Variants in ANKS1B observed in about 807,000 individuals in gnomAD.
The protein encoded by ANKS1B is ankyrin repeat and sterile alpha motif domain-containing protein 1B.
Under a neutral mutation model 148.3 loss-of-function variants are expected in ANKS1B, and 36 were observed. The ratio of observed to expected loss-of-function variants is 0.24; its 90% CI spans 0.19 to 0.32. The LOEUF is 0.32. ANKS1B is among the 10% of genes least tolerant of loss of function. The pLI, the probability that ANKS1B is intolerant of heterozygous loss-of-function variation, is 1.00. For missense variants in ANKS1B, 1,157 were observed against 1,542.6 expected (o/e 0.75, Z 4.19); for synonymous variants, 542 against 560.8 (o/e 0.97, Z 0.47).
At chr12:99,669,839 C>G (rs2098528076) in intron 8 of ANKS1B, among the ~76,000 whole-genome samples, 2 of 152,142 alleles carry the variant, frequency 1.3e-5, no homozygotes, top group East Asian at 3.9e-4. Context: ...ACTTTCAACT[C>G]AGAGGATTAC....
chr12:99,041,519 C>G (rs141213683), intron 17 of ANKS1B, among the ~76,000 whole-genome samples: 1 of 152,202 alleles, frequency 6.6e-6, no homozygotes, highest in African/African-American at 2.4e-5. Context: ...TTCCTGTCCC[C>G]CAGTTTTCCA....
intron 1 of ANKS1B, among the ~76,000 whole-genome samples, chr12:99,937,441 CAG>C (rs2094807259): frequency 6.6e-6 from 1 of 152,140 alleles, no homozygotes; most frequent in Non-Finnish European, 1.5e-5. Flanking sequence ...AAACAAGTCT[CAG>C]AGTTAGAAAT....
intron 17 of ANKS1B, among the ~76,000 whole-genome samples, chr12:98,851,027 T>C (rs566486390): frequency 1.3e-5 from 2 of 152,344 alleles, no homozygotes; most frequent in African/African-American, 2.4e-5. Flanking sequence ...ACAGAACTGC[T>C]ACAGTACTAC....
At chr12:99,523,483 G>A (rs2096895305) in intron 9 of ANKS1B, among the ~76,000 whole-genome samples, 1 of 151,626 alleles carries the variant, frequency 6.6e-6, no homozygotes. Context: ...AAAACTGGCT[G>A]CTTACTAAGT....
At chr12:98,982,848 A>G (rs1223197419) in intron 17 of ANKS1B, among the ~76,000 whole-genome samples, 2 of 152,244 alleles carry the variant, frequency 1.3e-5, no homozygotes. Flanking sequence ...AAATTCTTGC[A>G]TAAGTTCCTG....
intron 12 of ANKS1B, among the ~76,000 whole-genome samples, chr12:99,395,718 T>C (rs925116844): frequency 2.0e-5 from 3 of 152,202 alleles, no homozygotes; most frequent in African/African-American, 7.2e-5. Context: ...TTTTTGATGA[T>C]TCACAAGTTG....
chr12:99,187,708 A>G (rs2153874427), intron 14 of ANKS1B, among the ~76,000 whole-genome samples: 1 of 152,328 alleles, frequency 6.6e-6, no homozygotes, highest in African/African-American at 2.4e-5. Flanking sequence ...AAACATGGAA[A>G]GGAACAACCG....
chr12:99,083,130 G>GT (rs1352369182), intron 16 of ANKS1B, among the ~76,000 whole-genome samples: 8 of 152,178 alleles, frequency 5.3e-5, no homozygotes, highest in African/African-American at 1.9e-4. Flanking sequence ...TGCAAAAGGA[G>GT]TAAGTGTCTA....
At chr12:99,485,374 G>A (rs1489133008) in intron 10 of ANKS1B, among the ~76,000 whole-genome samples, 2 of 152,046 alleles carry the variant, frequency 1.3e-5, no homozygotes, top group African/African-American at 2.4e-5. Flanking sequence ...TCTGCTGTTA[G>A]TCTGATAGGT....
At chr12:99,944,077 T>C (rs1202782032) in intron 1 of ANKS1B, among the ~76,000 whole-genome samples, 5 of 152,106 alleles carry the variant, frequency 3.3e-5, no homozygotes, top group Admixed American at 1.3e-4. Context: ...CCAAGGTTAT[T>C]TTCTCTTCAT....
At chr12:99,739,068 G>T (rs2059856590) in intron 8 of ANKS1B, among the ~76,000 whole-genome samples, 1 of 151,692 alleles carries the variant, frequency 6.6e-6, no homozygotes, top group Admixed American at 6.6e-5. Flanking sequence ...ATTCAGGGAG[G>T]GTATTCACAT....
intron 17 of ANKS1B, among the ~76,000 whole-genome samples, chr12:98,960,281 CAG>C (rs139654884): frequency 6.0e-4 from 90 of 148,890 alleles, no homozygotes; most frequent in Admixed American, 7.3e-4. Context: ...CAGCTCAGCA[CAG>C]AGAGAGAGAG....
rs898778334 is a variant in ANKS1B, at chr12:98,744,548, C to T, written c.*1191G>A. ...CATAAATATACATTATGGTATCATA[C>T]AAATACTCCACAGAGACATTAAAAA... On this transcript the variant is annotated 3_prime_UTR_variant, in exon 27 of 27. Coordinates refer to ENST00000683438, the MANE Select transcript of ANKS1B (RefSeq NM_001352186.2). 1 of 606,216 alleles carries T rather than the reference C, an allele frequency of 1.6e-6. No homozygotes were observed. Among genetic ancestry groups the T allele is most frequent in the African/African-American group, 2.0e-5 (1 of 49,890 alleles). The allele number at this position is 606,216 out of a possible 1,614,324, so 37.6% of individuals were successfully genotyped here.
At chr12:99,124,357 A>C (rs2063711354) in intron 15 of ANKS1B, among the ~76,000 whole-genome samples, 2 of 151,866 alleles carry the variant, frequency 1.3e-5, no homozygotes, top group Non-Finnish European at 1.5e-5. Context: ...AAAAATGAAG[A>C]CAGCATTTCC....
At chr12:98,809,286 G>C (rs1263513101) in intron 19 of ANKS1B, among the ~76,000 whole-genome samples, 1 of 152,118 alleles carries the variant, frequency 6.6e-6, no homozygotes, top group Admixed American at 6.5e-5. Flanking sequence ...AGCAAGTTCA[G>C]TCTTAGACCC....
intron 17 of ANKS1B, among the ~76,000 whole-genome samples, chr12:98,840,391 T>TG (rs2099399313): frequency 6.6e-6 from 1 of 152,174 alleles, no homozygotes; most frequent in Non-Finnish European, 1.5e-5. Flanking sequence ...CAAATAACTG[T>TG]TTGACAGATG....
chr12:99,675,337 AAATT>A (rs2098557425), intron 8 of ANKS1B, among the ~76,000 whole-genome samples: 1 of 152,084 alleles, frequency 6.6e-6, no homozygotes. Context: ...ACTGTTAAAT[AAATT>A]AGAGTATATC....
intron 16 of ANKS1B, among the ~76,000 whole-genome samples, chr12:99,072,425 G>A (rs536671174): frequency 1.3e-5 from 2 of 152,068 alleles, no homozygotes; most frequent in African/African-American, 4.8e-5. Flanking sequence ...TATAGATAAG[G>A]ACACTGGGAT....
chr12:99,189,123 C>A lies in ANKS1B; in HGVS notation c.2420-34728G>T, dbSNP rs2080289291. Among the ~76,000 whole-genome samples the A allele has an allele frequency of 2.0e-5, 3 of 152,150 alleles. 1 individual carries two copies. The South Asian group carries it at 6.2e-4, about 32-fold the overall frequency. On this transcript the variant is annotated intron_variant, in intron 14 of 26. Transcript: ENST00000683438. ...TGGATAAATTGCTGGACACATACTT[C>A]CTCCCAAGCCTAAACCAGGAAGAAG...
Sources: allele counts gnomAD v4.1 joint callset (sites outside exome capture counted in the v4.1 genomes callset), GRCh38; gene constraint gnomAD v4.1.1; transcripts MANE v1.5; gene names NCBI Gene and HGNC (gene_info 2026-07-23, HGNC 2026-07-21).